ATP9A: variants seen among roughly 807,000 people sequenced by gnomAD.
ATP9A encodes the protein ATPase phospholipid transporting 9A.
Under a neutral mutation model 144.1 loss-of-function variants are expected in ATP9A, and 52 were observed. The ratio of observed to expected loss-of-function variants is 0.36; its 90% CI spans 0.29 to 0.45. ATP9A has a LOEUF of 0.45. ATP9A is among the 20% of genes least tolerant of loss of function. The pLI is 1.00. For synonymous variants in ATP9A, 582 were observed against 557.4 expected, an observed-to-expected ratio of 1.04 and a Z score of -0.62; for missense variants, 947 against 1,392.7, an observed-to-expected ratio of 0.68 and a Z score of 5.09.
chr20:51,613,927 T>C, intron 22 of ATP9A, 95 bp from the exon 23 acceptor site: 2 of 1,252,540 alleles, frequency 1.6e-6, no homozygotes, highest in Non-Finnish European at 2.2e-6. Flanking sequence ...GTAGGAAATC[T>C]TTGAAGAACT....
intron 19 of ATP9A, 97 bp from the exon 20 acceptor site, chr20:51,619,140 AC>A: frequency 9.6e-7 from 1 of 1,046,304 alleles, no homozygotes; most frequent in Non-Finnish European, 1.4e-6. Flanking sequence ...GACAACGGCC[AC>A]CCCAGCCAAG....
intron 3 of ATP9A, among the ~76,000 whole-genome samples, chr20:51,719,089 C>G (rs1172230745): frequency 6.6e-6 from 1 of 151,380 alleles, no homozygotes; most frequent in Non-Finnish European, 1.5e-5. Flanking sequence ...GATCGAGCCA[C>G]TGCATTCCAG....
chr20:51,676,238 GA>G (rs2077476742), intron 9 of ATP9A, 30 bp from the exon 10 acceptor site: 2 of 1,362,572 alleles, frequency 1.5e-6, no homozygotes, highest in East Asian at 4.8e-5. Flanking sequence ...AAAAAAAAAA[GA>G]AAAGAAATAT....
At chr20:51,761,290 T>C (rs750031761) in intron 1 of ATP9A, among the ~76,000 whole-genome samples, 73 of 152,236 alleles carry the variant, frequency 4.8e-4, no homozygotes, top group African/African-American at 1.7e-3. Context: ...ATAAGCTCTA[T>C]GCTCTCAGGC....
chr20:51,677,237 C>A (rs540807689), intron 9 of ATP9A, among the ~76,000 whole-genome samples: 1 of 152,044 alleles, frequency 6.6e-6, no homozygotes, highest in Non-Finnish European at 1.5e-5. Flanking sequence ...CCCAACCCAA[C>A]AGCCACACTA....
intron 4 of ATP9A, among the ~76,000 whole-genome samples, chr20:51,697,770 T>C (rs1191239779): frequency 1.3e-5 from 2 of 152,072 alleles, no homozygotes; most frequent in African/African-American, 4.8e-5. Context: ...TGGAAAGTAG[T>C]GGGGGGAAAA....
Position 51,623,194 on chromosome 20 carries a change from A to G in ATP9A, c.2017-1022T>C, listed in dbSNP as rs2077233870. 2.6e-5 allele frequency among the ~76,000 whole-genome samples: 4 copies of G among 152,206 alleles called. No homozygotes were observed. The South Asian group carries it at 8.3e-4, about 32-fold the overall frequency. On this transcript the variant is annotated intron_variant, in intron 18 of 27. Coordinates refer to ENST00000338821, the MANE Select transcript of ATP9A (RefSeq NM_006045.3). ...CCCTCAATATCCCGCCTGTCCTAAA[A>G]ATAATATTCTTTTTGGTGAGCTTCG... is the stretch of plus-strand genomic sequence containing the variant.
At chr20:51,724,832 C>T (rs34484478) in intron 3 of ATP9A, among the ~76,000 whole-genome samples, 12,981 of 152,228 alleles carry the variant, frequency 0.085, 662 homozygotes, top group African/African-American at 0.14. Context: ...GATTCTGCTA[C>T]TTTTCCAACC....
intron 1 of ATP9A, among the ~76,000 whole-genome samples, chr20:51,733,125 T>C (rs564045807): frequency 1.9e-3 from 288 of 152,332 alleles, no homozygotes; most frequent in African/African-American, 6.6e-3. Flanking sequence ...GTTACAGTTA[T>C]GCTATTTATT....
At chr20:51,607,468 G>T in intron 26 of ATP9A, 59 bp downstream of exon 26, 1 of 1,443,322 alleles carries the variant, frequency 6.9e-7, no homozygotes, top group South Asian at 1.2e-5. Context: ...AGGCAAGAAG[G>T]GGACACCCTG....
rs1008677331 is a variant in ATP9A at position 51,702,096 on chromosome 20, G to A, written c.437-4614C>T. On this transcript the variant is annotated intron_variant, in intron 4 of 27. Coordinates refer to ENST00000338821, the MANE Select transcript of ATP9A (RefSeq NM_006045.3). ...AGGTGGATCATGAGGTCAGGCGTTC[G>A]ATACCAGCCTGGCCAACATAGTGAA... Among the ~76,000 whole-genome samples, 34 of 151,994 alleles carry A rather than the reference G, an allele frequency of 2.2e-4. 1 individual carries two copies. Among genetic ancestry groups the A allele is most frequent in the Admixed American group, 2.0e-3 (30 of 15,242 alleles).
At chr20:51,722,673 A>G (rs1309323528) in intron 3 of ATP9A, among the ~76,000 whole-genome samples, 4 of 152,200 alleles carry the variant, frequency 2.6e-5, no homozygotes, top group Non-Finnish European at 5.9e-5. Flanking sequence ...GAATGGCCAT[A>G]ATCTAAAAAT....
chr20:51,768,361 G>A lies in ATP9A; in HGVS notation c.9C>T (p.Asp3=). 1 of 1,270,142 alleles carries A rather than the reference G, an allele frequency of 7.9e-7. No homozygotes were observed. Among genetic ancestry groups the A allele is most frequent in the Admixed American group, 3.3e-5 (1 of 30,214 alleles). 78.7% of individuals were successfully genotyped at this position (1,270,142 alleles called of 1,614,324 possible). ...GGCGCACCGGCTGCAGCGGGATGTT[G>A]TCCGTCATGTCGGCGGCGCCGCCCG... MT[D]NIPLQPVRQK... The change falls in exon 1 of 28, where the codon GAC becomes GAT. Residue 3 remains aspartate, a synonymous_variant. Coordinates refer to ENST00000338821, the MANE Select transcript of ATP9A (RefSeq NM_006045.3).
intron 1 of ATP9A, among the ~76,000 whole-genome samples, chr20:51,758,791 G>A (rs1193505877): frequency 6.6e-6 from 1 of 152,174 alleles, no homozygotes; most frequent in African/African-American, 2.4e-5. Context: ...CAGCCATGGT[G>A]GCCTGCACCT....
At chr20:51,715,971 A>G (rs1221964937) in intron 3 of ATP9A, among the ~76,000 whole-genome samples, 1 of 151,724 alleles carries the variant, frequency 6.6e-6, no homozygotes, top group African/African-American at 2.4e-5. Context: ...AAATTCACTA[A>G]AGCAAAGCTA....
chr20:51,598,130 T>C lies in ATP9A; in HGVS notation c.*3081A>G, dbSNP rs567953459. ...AAATGAGGATCAAAACTGTCCCACA[T>C]AAGAAATTACTCAAGATGGAAAAAC... is the stretch of plus-strand genomic sequence containing the variant. On this transcript the variant is annotated 3_prime_UTR_variant, in exon 28 of 28. Transcript: ENST00000338821. 1 of 132,220 alleles carries C rather than the reference T, an allele frequency of 7.6e-6. No individual in the cohort carries two copies. The highest frequency in any genetic ancestry group is 2.2e-4 in the South Asian group (1 of 4,474). The allele number at this position is 132,220 out of a possible 1,614,324, so 8.2% of individuals were successfully genotyped here. A position where few individuals can be genotyped will look rare whatever the true frequency, so the allele number is the denominator to read the frequency against.
Position 51,617,938 on chromosome 20 carries a change from T to C in ATP9A, c.2351-384A>G, listed in dbSNP as rs1253032674. ...AGCACATTTTAAAGGTGATCCTTTTTAGGCTGAGCAGTGGCTCACGACTAT... is the reference window on the plus strand; with the variant it reads ...AGCACATTTTAAAGGTGATCCTTTTCAGGCTGAGCAGTGGCTCACGACTAT... On this transcript the variant is annotated intron_variant, in intron 21 of 27. Coordinates refer to ENST00000338821, the MANE Select transcript of ATP9A (RefSeq NM_006045.3). Among the ~76,000 whole-genome samples the C allele has an allele frequency of 2.6e-5, 4 of 152,280 alleles. No homozygotes were observed. In the South Asian group the frequency reaches 8.3e-4, roughly 32 times the overall value.
At chr20:51,658,232 G>A (rs1157489834) in intron 13 of ATP9A, among the ~76,000 whole-genome samples, 1 of 152,094 alleles carries the variant, frequency 6.6e-6, no homozygotes, top group Admixed American at 6.6e-5. Context: ...GGCCAAGGCG[G>A]GTGGATCACT....
intron 23 of ATP9A, among the ~76,000 whole-genome samples, chr20:51,610,788 G>A (rs1007319966): frequency 6.6e-6 from 1 of 152,206 alleles, no homozygotes; most frequent in Non-Finnish European, 1.5e-5. Flanking sequence ...CGGGGGCTGG[G>A]ATGGCAGAAA....
Sources: gnomAD v4.1 joint callset for allele counts (sites outside exome capture counted in the v4.1 genomes callset) on GRCh38, gnomAD v4.1.1 for gene constraint, MANE v1.5 for transcripts, NCBI Gene and HGNC (gene_info 2026-07-23, HGNC 2026-07-21) for gene names.